DACH2: variants seen among roughly 807,000 people sequenced by gnomAD.
DACH2 encodes dachshund family transcription factor 2, also known as dachshund homolog 2.
Under a neutral mutation model 35.8 loss-of-function variants are expected in DACH2, and 17 were observed. The ratio of observed to expected loss-of-function variants is 0.48; its 90% CI spans 0.33 to 0.71. The LOEUF (loss-of-function observed/expected upper bound fraction) is 0.71. Ranked by LOEUF, DACH2 falls within the 30% of genes least tolerant of loss-of-function variation. DACH2 has a pLI of 0.02. For synonymous variants in DACH2, 195 were observed against 177.3 expected, an observed-to-expected ratio of 1.10 and a Z score of -0.79; for missense variants, 469 against 472.7, an observed-to-expected ratio of 0.99 and a Z score of 0.07.
intron 6 of DACH2, among the ~76,000 whole-genome samples, chrX:86,720,291 A>T (rs754298603): frequency 9.1e-6 from 1 of 110,443 alleles, no homozygotes; most frequent in Non-Finnish European, 1.9e-5. Context: ...CCAAGTCCGA[A>T]GTTTTATCTG....
intron 3 of DACH2, among the ~76,000 whole-genome samples, chrX:86,563,113 TC>T (rs1031996762): frequency 2.2e-5 from 2 of 90,619 alleles, no homozygotes; most frequent in African/African-American, 8.9e-5. Flanking sequence ...ATGTTCACCT[TC>T]TTTAGGGTAA....
chrX:86,602,869 C>A (rs1331486649), intron 3 of DACH2, among the ~76,000 whole-genome samples: 1 of 111,092 alleles, frequency 9.0e-6, no homozygotes, highest in Non-Finnish European at 1.9e-5. Context: ...GTTGTTTTTT[C>A]ATATTATTTA....
At chrX:86,501,106 A>G (rs1318480469) in intron 2 of DACH2, among the ~76,000 whole-genome samples, 3 of 112,312 alleles carry the variant, frequency 2.7e-5, no homozygotes, top group Non-Finnish European at 5.6e-5. Flanking sequence ...ATTCAAATGG[A>G]AAAGATTATT....
chrX:86,372,836 G>A (rs1028177828), intron 1 of DACH2, among the ~76,000 whole-genome samples: 4 of 110,507 alleles, frequency 3.6e-5, no homozygotes, highest in African/African-American at 9.9e-5. Context: ...TCTCCCCTAC[G>A]TCTAGTAGTC....
intron 2 of DACH2, among the ~76,000 whole-genome samples, chrX:86,384,621 T>G (rs1399899568): frequency 2.7e-5 from 3 of 111,843 alleles, no homozygotes; most frequent in Admixed American, 1.9e-4. Context: ...TTTTGTTATT[T>G]TAGGCTATCA....
At chrX:86,577,469 TTAAA>T (rs748323747) in intron 3 of DACH2, among the ~76,000 whole-genome samples, 1 of 111,574 alleles carries the variant, frequency 9.0e-6, no homozygotes, top group East Asian at 2.8e-4. Context: ...TATGAATATT[TTAAA>T]TAAAAGATAT....
chrX:86,282,478 C>T, intron 1 of DACH2, among the ~76,000 whole-genome samples: 1 of 111,306 alleles, frequency 9.0e-6, no homozygotes, highest in Non-Finnish European at 1.9e-5. Flanking sequence ...GGTCCCCTTC[C>T]TTACACCTTA....
chrX:86,390,714 G>A (rs775349830), intron 2 of DACH2, among the ~76,000 whole-genome samples: 2 of 109,133 alleles, frequency 1.8e-5, no homozygotes, highest in African/African-American at 3.3e-5. Context: ...CTCAGCCTCC[G>A]GGGTAGTCGA....
intron 2 of DACH2, among the ~76,000 whole-genome samples, chrX:86,465,255 C>G (rs1397092124): frequency 8.9e-6 from 1 of 111,951 alleles, no homozygotes; most frequent in Non-Finnish European, 1.9e-5. Flanking sequence ...AAAAAACAGA[C>G]GAGTTACTTT....
Position 86,294,035 on chromosome X carries a change from A to T in DACH2, c.489-82789A>T, listed in dbSNP as rs761053306. Among the ~76,000 whole-genome samples, 46 of 111,426 alleles carry T rather than the reference A, an allele frequency of 4.1e-4. 2 individuals are homozygous for T. In the East Asian group the frequency reaches 0.012, roughly 30 times the overall value. ...GCAGAGTGTTTTCCAACTTGGTTCCATTCTCCCCGTCACTTTCAGGTACAC... is the reference window on the plus strand; with the variant it reads ...GCAGAGTGTTTTCCAACTTGGTTCCTTTCTCCCCGTCACTTTCAGGTACAC... On this transcript the variant is annotated intron_variant, in intron 1 of 11. Coordinates refer to ENST00000373125, the MANE Select transcript of DACH2 (RefSeq NM_053281.3).
intron 2 of DACH2, among the ~76,000 whole-genome samples, chrX:86,413,247 G>T (rs1369699036): frequency 8.9e-6 from 1 of 112,013 alleles, no homozygotes; most frequent in Admixed American, 9.5e-5. Flanking sequence ...TTTTGCAGAA[G>T]GAAAAAGCAA....
chrX:86,695,128 G>A lies in DACH2; in HGVS notation c.880G>A (p.Gly294Arg), dbSNP rs750395124. 8.8e-7 allele frequency: 1 copy of A among 1,136,577 alleles called. No homozygotes were observed. Among genetic ancestry groups the A allele is most frequent in the Admixed American group, 2.7e-5 (1 of 37,151 alleles). 93.7% of individuals were successfully genotyped at this position (1,136,577 alleles called of 1,213,427 possible). A position where few individuals can be genotyped will look rare whatever the true frequency, so the allele number is the denominator to read the frequency against. Reference protein sequence around the residue: ...HAALAGQPGIGGAPTLNPLQQ... With the variant: ...HAALAGQPGIRGAPTLNPLQQ... The stretch of plus-strand genomic sequence containing the variant: ...AGCCCTAGCTGGCCAGCCAGGCATT[G>A]GGGGTGCTCCAACCCTCAATCCACT... Residue 294 changes from glycine to arginine, a missense_variant, in exon 5 of 12, where the codon GGG becomes AGG. Gly to Arg is a moderately radical substitution (Grantham distance 125). This residue lies in a region of DACH2 where 363 missense variants were observed against 334.4 expected (regional missense o/e 1.09). Transcript: ENST00000373125.
intron 4 of DACH2, among the ~76,000 whole-genome samples, chrX:86,667,614 A>AGGCAGGC: frequency 1.0e-5 from 1 of 96,974 alleles, no homozygotes; most frequent in South Asian, 4.2e-4. Context: ...GAAAGAAAGA[A>AGGCAGGC]AGGCAGGCAG....
chrX:86,516,911 G>A (rs2038477159), intron 3 of DACH2, among the ~76,000 whole-genome samples: 1 of 111,593 alleles, frequency 9.0e-6, no homozygotes, highest in Admixed American at 9.5e-5. Context: ...TGGCTGCATA[G>A]TATTCCATGG....
At chrX:86,598,424 C>A (rs1250545254) in intron 3 of DACH2, among the ~76,000 whole-genome samples, 1 of 111,713 alleles carries the variant, frequency 9.0e-6, no homozygotes, top group African/African-American at 3.3e-5. Context: ...GGTATCACAC[C>A]CAGCTGTTAG....
chrX:86,301,521 C>A, intron 1 of DACH2, among the ~76,000 whole-genome samples: 1 of 111,799 alleles, frequency 8.9e-6, no homozygotes. Flanking sequence ...CATTTAATTA[C>A]AAGGTAATGT....
intron 1 of DACH2, among the ~76,000 whole-genome samples, chrX:86,313,032 T>C (rs906680958): frequency 9.0e-6 from 1 of 111,604 alleles, no homozygotes; most frequent in Non-Finnish European, 1.9e-5. Context: ...ATGTACTATA[T>C]ATTTCAAAGT....
At chrX:86,611,957 C>CTGTGTG (rs140254063) in intron 3 of DACH2, among the ~76,000 whole-genome samples, 8 of 100,752 alleles carry the variant, frequency 7.9e-5, no homozygotes, top group African/African-American at 2.2e-4. Context: ...GTTGTTGTTC[C>CTGTGTG]TGTGTGTGTG....
At chrX:86,739,330 C>A (rs968089048) in intron 6 of DACH2, among the ~76,000 whole-genome samples, 2 of 110,042 alleles carry the variant, frequency 1.8e-5, no homozygotes, top group Admixed American at 9.7e-5. Flanking sequence ...TATTCCAGGG[C>A]TCTCAAGTCT....
Sources: allele counts gnomAD v4.1 joint callset (sites outside exome capture counted in the v4.1 genomes callset), GRCh38; gene constraint gnomAD v4.1.1; regional missense constraint gnomAD v4.1.1; transcripts MANE v1.5; gene names NCBI Gene and HGNC (gene_info 2026-07-23, HGNC 2026-07-21).